Variants in DDX21 observed in about 807,000 individuals in gnomAD.
The protein encoded by DDX21 is DExD-box helicase 21.
Under a neutral mutation model 90.0 loss-of-function variants are expected in DDX21, and 18 were observed. That is an observed-to-expected ratio of 0.20 (90% confidence interval 0.14 to 0.30). DDX21 has a LOEUF of 0.30. Among genes scored for constraint, DDX21 ranks in the 10% least tolerant of loss-of-function variants. DDX21 has a pLI of 1.00. For synonymous variants in DDX21, 294 were observed against 318.0 expected (o/e 0.92, Z 0.80); for missense variants, 673 against 944.5 (o/e 0.71, Z 3.77).
At chr10:68,960,289 GT>G (rs1564625093) in intron 2 of DDX21, 40 bp downstream of exon 2, 10 of 1,544,118 alleles carry the variant, frequency 6.5e-6, no homozygotes, top group Non-Finnish European at 8.7e-6. Flanking sequence ...ATCTTTCATT[GT>G]TGTTTCAGAT....
intron 11 of DDX21, among the ~76,000 whole-genome samples, chr10:68,976,275 A>T (rs1401341333): frequency 6.6e-6 from 1 of 150,898 alleles, no homozygotes; most frequent in Non-Finnish European, 1.5e-5. Flanking sequence ...GAAGGGAGGA[A>T]AGGAAGGATG....
intron 13 of DDX21, among the ~76,000 whole-genome samples, chr10:68,980,740 C>T (rs1426956559): frequency 6.7e-6 from 1 of 149,902 alleles, no homozygotes; most frequent in Non-Finnish European, 1.5e-5. Flanking sequence ...GGTGCCATGG[C>T]TCACACCTGT....
chr10:68,958,562 G>T (rs567116214), intron 1 of DDX21, among the ~76,000 whole-genome samples: 1 of 152,008 alleles, frequency 6.6e-6, no homozygotes, highest in South Asian at 2.1e-4. Flanking sequence ...TCAGCCTCCC[G>T]AGTAGCTGGG....
At chr10:68,974,490 T>C (rs1166067731) in intron 10 of DDX21, among the ~76,000 whole-genome samples, 180 bp from the exon 11 acceptor site, 1 of 152,272 alleles carries the variant, frequency 6.6e-6, no homozygotes, top group East Asian at 1.9e-4. Context: ...ATGTTAATAA[T>C]AGCAGAAACC....
At chr10:68,978,579 G>A (rs550921428) in intron 12 of DDX21, among the ~76,000 whole-genome samples, 3 of 152,248 alleles carry the variant, frequency 2.0e-5, no homozygotes, top group African/African-American at 7.2e-5. Flanking sequence ...GAGATCCTTT[G>A]TATACTCTGC....
At chr10:68,964,285 T>TG (rs1228702690) in intron 4 of DDX21, among the ~76,000 whole-genome samples, 1 of 152,186 alleles carries the variant, frequency 6.6e-6, no homozygotes, top group Admixed American at 6.5e-5. Flanking sequence ...TGTGGGTTCT[T>TG]GCAGTTGTCT....
Position 68,965,359 on chromosome 10 carries a change from A to T in DDX21, c.787-18A>T, listed in dbSNP as rs763405933. 18 of 1,591,330 alleles carry T rather than the reference A, an allele frequency of 1.1e-5. No homozygotes were observed. The highest frequency in any genetic ancestry group is 1.4e-5 in the Non-Finnish European group (16 of 1,161,234). ...AATACTACACAGTAATTTGAATTCAATTATTTTTCTTTATCAGGTACTGGT... is the reference window on the plus strand; with the variant it reads ...AATACTACACAGTAATTTGAATTCATTTATTTTTCTTTATCAGGTACTGGT... On this transcript the variant is annotated intron_variant, in intron 4 of 14. Coordinates refer to ENST00000354185, the MANE Select transcript of DDX21 (RefSeq NM_004728.4).
intron 11 of DDX21, among the ~76,000 whole-genome samples, chr10:68,975,306 G>A (rs979519832): frequency 1.3e-5 from 2 of 152,138 alleles, no homozygotes; most frequent in Non-Finnish European, 2.9e-5. Context: ...GTCAAATGGA[G>A]GTGCTGCTGG....
Position 68,970,249 on chromosome 10 carries a change from G to C in DDX21, c.1285G>C (p.Asp429His). The C allele has an allele frequency of 6.2e-7, 1 of 1,613,884 alleles. No individual in the cohort carries two copies. Among genetic ancestry groups the C allele is most frequent in the Non-Finnish European group, 8.5e-7 (1 of 1,179,904 alleles). Residue 429 changes from aspartate (D) to histidine (H), a missense_variant, in exon 8 of 15, where the codon GAT becomes CAT. By Grantham distance (81) the Asp-to-His change is moderately conservative. Coordinates refer to ENST00000354185, the MANE Select transcript of DDX21 (RefSeq NM_004728.4). ...GACTCAGAGGGCAGCAGTTATTGGG[G>C]ATGTCATCCGAGTATATAGTGGTCA... ...HWTQRAAVIG[D>H]VIRVYSGHQG...
At chr10:68,968,209 A>G (rs766189928) in intron 6 of DDX21, among the ~76,000 whole-genome samples, 3 of 151,440 alleles carry the variant, frequency 2.0e-5, no homozygotes, top group Non-Finnish European at 2.9e-5. Context: ...TCACCCTGTC[A>G]CTCAGGCTAT....
At chr10:68,966,709 G>A (rs143763855) in intron 5 of DDX21, among the ~76,000 whole-genome samples, 4,659 of 152,188 alleles carry the variant, frequency 0.031, 95 homozygotes, top group Admixed American at 0.058. Context: ...CCAAAGTGCT[G>A]GGATTACAGG....
At chr10:68,976,289 G>T (rs567531087) in intron 11 of DDX21, among the ~76,000 whole-genome samples, 1 of 146,540 alleles carries the variant, frequency 6.8e-6, no homozygotes, top group African/African-American at 2.5e-5. Context: ...AAGGATGAGT[G>T]TATTTTTTTT....
chr10:68,975,837 T>C (rs1843090289), intron 11 of DDX21, among the ~76,000 whole-genome samples: 1 of 151,882 alleles, frequency 6.6e-6, no homozygotes, highest in Non-Finnish European at 1.5e-5. Flanking sequence ...TTACCTGAGG[T>C]CAGGAGTTCA....
In DDX21 at chr10:68,956,200, G is replaced by T. The variant is rs972225966; in HGVS notation, c.-26G>T. On this transcript the variant is annotated 5_prime_UTR_variant, in exon 1 of 15. Coordinates refer to ENST00000354185, the MANE Select transcript of DDX21 (RefSeq NM_004728.4). ...CCTCTCCACGCGGTTGAGAAGACCG[G>T]TCGGCCTGGGCAACCTGCGCTGAAG... is the stretch of plus-strand genomic sequence containing the variant. 3.9e-5 allele frequency: 63 copies of T among 1,612,430 alleles called. No individual in the cohort carries two copies. The highest frequency in any genetic ancestry group is 4.8e-5 in the Non-Finnish European group (57 of 1,179,082).
chr10:68,981,657 G>A, intron 14 of DDX21, 76 bp downstream of exon 14: 1 of 1,274,144 alleles, frequency 7.8e-7, no homozygotes, highest in Non-Finnish European at 1.1e-6. Context: ...GAGAATAATA[G>A]ATTGGGAAAC....
chr10:68,973,962 T>C (rs1843060208), intron 10 of DDX21, among the ~76,000 whole-genome samples: 1 of 152,092 alleles, frequency 6.6e-6, no homozygotes, highest in Admixed American at 6.6e-5. Context: ...ATCAAATGAA[T>C]GAGGGTATGT....
intron 3 of DDX21, among the ~76,000 whole-genome samples, chr10:68,962,886 T>A (rs919031181): frequency 1.3e-5 from 2 of 152,228 alleles, no homozygotes; most frequent in African/African-American, 4.8e-5. Context: ...TTCAGGCTTA[T>A]GGATGAGACT....
chr10:68,968,005 C>T (rs567915908), intron 6 of DDX21, among the ~76,000 whole-genome samples: 4 of 152,122 alleles, frequency 2.6e-5, no homozygotes, highest in African/African-American at 9.6e-5. Context: ...AGCAATCCTC[C>T]GAGTAGCTGG....
At chr10:68,963,936 T>C (rs112427795) in intron 4 of DDX21, among the ~76,000 whole-genome samples, 6 of 151,676 alleles carry the variant, frequency 4.0e-5, no homozygotes, top group African/African-American at 1.5e-4. Flanking sequence ...CCATCTCTAA[T>C]AAAAATACAA....
Sources: allele counts gnomAD v4.1 joint callset (sites outside exome capture counted in the v4.1 genomes callset), GRCh38; gene constraint gnomAD v4.1.1; transcripts MANE v1.5; gene names NCBI Gene and HGNC (gene_info 2026-07-23, HGNC 2026-07-21).